The following BEND2 variants were observed in gnomAD, a reference collection of about 807,000 sequenced individuals.
BEND2 encodes BEN domain containing 2.
Under a neutral mutation model 43.8 loss-of-function variants are expected in BEND2, and 19 were observed. The observed-to-expected ratio is 0.43, with a 90% CI of 0.30 to 0.64. The LOEUF (loss-of-function observed/expected upper bound fraction) is 0.64, where lower values mean the gene tolerates loss of function less well. Ranked by LOEUF, BEND2 falls within the 30% of genes least tolerant of loss-of-function variation. BEND2 has a pLI of 0.11. For missense variants in BEND2, 544 were observed against 574.0 expected, an observed-to-expected ratio of 0.95 and a Z score of 0.53; for synonymous variants, 226 against 210.1, an observed-to-expected ratio of 1.08 and a Z score of -0.66.
intron 4 of BEND2, among the ~76,000 whole-genome samples, chrX:18,208,138 C>T (rs751360265): frequency 5.4e-5 from 6 of 111,198 alleles, no homozygotes; most frequent in Non-Finnish European, 9.4e-5. Context: ...GTGTTGGAAT[C>T]CAGAAAGATG....
chrX:18,213,767 T>TAA lies in BEND2; in HGVS notation c.376+5_376+6dup. ...TCTCTACTAAAAATAAAAATAAAAA[T>TAA]AAATACCTGGGCATGGTGGCGTGCG... On this transcript the variant is annotated splice_region_variant and intron_variant, in intron 3 of 13. Transcript: ENST00000380033. The TAA allele has an allele frequency of 6.3e-6, 1 of 159,438 alleles. No individual in the cohort carries two copies. The highest frequency in any genetic ancestry group is 1.2e-5 in the Non-Finnish European group (1 of 83,446). The allele number at this position is 159,438 out of a possible 1,213,427, so 13.1% of individuals were successfully genotyped here.
intron 6 of BEND2, 122 bp downstream of exon 6, chrX:18,201,693 A>G: frequency 1.2e-6 from 1 of 834,442 alleles, no homozygotes; most frequent in South Asian, 3.4e-5. Context: ...GGTTTTCACC[A>G]TGTTGGTCAG....
At chrX:18,188,575 C>T (rs1309684891) in intron 8 of BEND2, among the ~76,000 whole-genome samples, 1 of 111,126 alleles carries the variant, frequency 9.0e-6, no homozygotes, top group Non-Finnish European at 1.9e-5. Flanking sequence ...AAGTTTGAAC[C>T]GTGAAGGAAT....
At chrX:18,186,934 T>C (rs1280203561) in intron 8 of BEND2, among the ~76,000 whole-genome samples, 1 of 99,770 alleles carries the variant, frequency 1.0e-5, no homozygotes, top group Non-Finnish European at 2.0e-5. Context: ...ACCACTGCAC[T>C]CCCGCCTGGG....
chrX:18,178,173 G>A (rs1924247930), intron 9 of BEND2, among the ~76,000 whole-genome samples: 1 of 112,136 alleles, frequency 8.9e-6, no homozygotes, highest in African/African-American at 3.2e-5. Context: ...GCAAGTGGAT[G>A]TTCCCTGAAG....
chrX:18,196,120 G>A (rs966017982), intron 6 of BEND2, among the ~76,000 whole-genome samples: 4 of 110,151 alleles, frequency 3.6e-5, no homozygotes, highest in East Asian at 2.9e-4. Context: ...CCAACATGGC[G>A]AAACCCCGTT....
At position 18,176,107 on chromosome X, in the gene BEND2, A is replaced by G. The variant is rs767159344; in HGVS notation, c.1631-14T>C. 2.6e-6 allele frequency: 3 copies of G among 1,172,603 alleles called. No homozygotes were observed. The highest frequency in any genetic ancestry group is 3.6e-5 in the African/African-American group (2 of 54,813). ...TTGCCAGATATTCTGCAAACAGCAGAAAGTATTCACGAAAATTAGAAAAAA... is the reference window on the plus strand; with the variant it reads ...TTGCCAGATATTCTGCAAACAGCAGGAAGTATTCACGAAAATTAGAAAAAA... On this transcript the variant is annotated splice_polypyrimidine_tract_variant and intron_variant, in intron 10 of 13. Coordinates refer to ENST00000380033, the MANE Select transcript of BEND2 (RefSeq NM_153346.5).
At chrX:18,182,132 A>G (rs1176841386) in intron 8 of BEND2, among the ~76,000 whole-genome samples, 1 of 111,624 alleles carries the variant, frequency 9.0e-6, no homozygotes, top group Non-Finnish European at 1.9e-5. Context: ...CCCTGCCTAA[A>G]CTTCATGTCA....
At chrX:18,206,333 A>C (rs1925332229) in intron 4 of BEND2, among the ~76,000 whole-genome samples, 1 of 111,565 alleles carries the variant, frequency 9.0e-6, no homozygotes, top group Admixed American at 9.6e-5. Flanking sequence ...GTGAGGATGC[A>C]TGGAAGGGTT....
chrX:18,174,766 T>A (rs1278971401), intron 11 of BEND2, among the ~76,000 whole-genome samples: 1 of 110,309 alleles, frequency 9.1e-6, no homozygotes, highest in Non-Finnish European at 1.9e-5. Context: ...TAACTATTTT[T>A]AAAAGTGTCT....
chrX:18,195,486 A>C, intron 6 of BEND2, 44 bp from the exon 7 acceptor site: 14 of 1,094,487 alleles, frequency 1.3e-5, no homozygotes, highest in Non-Finnish European at 1.7e-5. Context: ...ATTCTACATG[A>C]GGTAAAACTA....
intron 4 of BEND2, among the ~76,000 whole-genome samples, chrX:18,210,238 T>G (rs1925463245): frequency 9.0e-6 from 1 of 111,682 alleles, no homozygotes; most frequent in South Asian, 3.7e-4. Context: ...TCTTGGAATA[T>G]ATTTGGCAAT....
chrX:18,183,908 T>C (rs1213606812), intron 8 of BEND2, among the ~76,000 whole-genome samples: 2 of 111,860 alleles, frequency 1.8e-5, no homozygotes, highest in Non-Finnish European at 3.8e-5. Flanking sequence ...TTGGCATCTC[T>C]GGACCTGCCC....
At chrX:18,214,832 AAAAG>A (rs1569128428) in intron 2 of BEND2, among the ~76,000 whole-genome samples, 3 of 105,872 alleles carry the variant, frequency 2.8e-5, no homozygotes, top group Non-Finnish European at 5.8e-5. Context: ...AAAAAAAAAA[AAAAG>A]AAAGAAAAAA....
intron 6 of BEND2, among the ~76,000 whole-genome samples, chrX:18,200,142 C>T (rs1925093968): frequency 8.9e-6 from 1 of 111,846 alleles, no homozygotes. Flanking sequence ...AATTTGATGC[C>T]TTTTCAATGG....
Position 18,216,686 on chromosome X carries a change from T to G in BEND2, c.73A>C (p.Ser25Arg). 8.3e-7 allele frequency: 1 copy of G among 1,210,456 alleles called. No individual in the cohort carries two copies. Residue 25 changes from serine (S) to arginine (R), a missense_variant, in exon 2 of 14, where the codon AGT becomes CGT. Ser to Arg is a moderately radical substitution (Grantham distance 110, BLOSUM62 -1). Coordinates refer to ENST00000380033, the MANE Select transcript of BEND2 (RefSeq NM_153346.5). Reference sequence around the variant, plus strand: ...TCAGAAACTTCCACCATCTCAATACTGCAATCATTGTTATCATCACTGTCG... The same window carrying G: ...TCAGAAACTTCCACCATCTCAATACGGCAATCATTGTTATCATCACTGTCG... The part of the protein sequence containing the change: ...VDDSDDNNDC[S>R]IEMVEVSETA...
intron 6 of BEND2, among the ~76,000 whole-genome samples, chrX:18,199,663 A>G (rs189011037): frequency 1.8e-5 from 2 of 110,710 alleles, no homozygotes; most frequent in East Asian, 2.8e-4. Flanking sequence ...AAGAGCTACC[A>G]CTGACTTGCA....
At chrX:18,192,421 CA>C (rs1175861447) in intron 7 of BEND2, among the ~76,000 whole-genome samples, 6 of 110,684 alleles carry the variant, frequency 5.4e-5, no homozygotes, top group Non-Finnish European at 1.1e-4. Flanking sequence ...CTTGGAGCAT[CA>C]AAAAGGAAGA....
intron 9 of BEND2, 73 bp downstream of exon 9, chrX:18,180,437 T>A: frequency 8.6e-7 from 1 of 1,161,556 alleles, no homozygotes; most frequent in Non-Finnish European, 1.2e-6. Context: ...GAGCTTTCAC[T>A]GTCTTGCATC....
Sources: gnomAD v4.1 joint callset for allele counts (sites outside exome capture counted in the v4.1 genomes callset) on GRCh38, gnomAD v4.1.1 for gene constraint, MANE v1.5 for transcripts, NCBI Gene and HGNC (gene_info 2026-07-23, HGNC 2026-07-21) for gene names.